ERBB3: variants seen among roughly 807,000 people sequenced by gnomAD.
The protein encoded by ERBB3 is receptor tyrosine-protein kinase erbB-3.
In ERBB3, 96 loss-of-function variants were observed where a neutral mutation model predicts 156.7. That is an observed-to-expected ratio of 0.61 (90% CI 0.52 to 0.73). ERBB3 has a LOEUF of 0.73. Ranked by LOEUF, ERBB3 falls within the 30% of genes least tolerant of loss-of-function variation. The pLI is 0.00. For synonymous variants in ERBB3, 567 were observed against 632.0 expected, an observed-to-expected ratio of 0.90 and a Z score of 1.54; for missense variants, 1,406 against 1,709.4, an observed-to-expected ratio of 0.82 and a Z score of 3.13.
rs571095209 is a variant in ERBB3, at chr12:56,102,965, G to A, written c.*910G>A. ...AACATAGCAAGACACTGTCTCTACA[G>A]GGGAAAAAAAAAAAAGAAACTGAGC... On this transcript the variant is annotated 3_prime_UTR_variant, in exon 28 of 28. Transcript: ENST00000267101. 114 of 228,012 alleles carry A rather than the reference G, an allele frequency of 5.0e-4. 1 individual carries two copies. Among genetic ancestry groups the A allele is most frequent in the Non-Finnish European group, 7.8e-5 (9 of 115,098 alleles). 14.1% of individuals were successfully genotyped at this position (228,012 alleles called of 1,614,324 possible). A position where few individuals can be genotyped will look rare whatever the true frequency, so the allele number is the denominator to read the frequency against.
intron 20 of ERBB3, 61 bp downstream of exon 20, chr12:56,097,291 A>G: frequency 6.5e-7 from 1 of 1,547,552 alleles, no homozygotes. Context: ...CAGCCAGGAA[A>G]AAGTGAGAAG....
chr12:56,100,307 C>A, intron 26 of ERBB3, 62 bp downstream of exon 26: 1 of 1,314,286 alleles, frequency 7.6e-7, no homozygotes, highest in Non-Finnish European at 1.1e-6. Flanking sequence ...GTATGGAAGA[C>A]ATTAGAAACC....
At position 56,102,306 on chromosome 12, in the gene ERBB3, C is replaced by T; in HGVS notation, c.*251C>T. On this transcript the variant is annotated 3_prime_UTR_variant, in exon 28 of 28. Coordinates refer to ENST00000267101, the MANE Select transcript of ERBB3 (RefSeq NM_001982.4). ...CCTTATTTTGTGTGCTTTCCCAGTC[C>T]CATTCCTCAGCTTCTTCACAGGCAC... 1.9e-6 allele frequency: 1 copy of T among 515,894 alleles called. No individual in the cohort carries two copies. The highest frequency in any genetic ancestry group is 3.5e-6 in the Non-Finnish European group (1 of 285,712). The allele number at this position is 515,894 out of a possible 1,614,324, so 32.0% of individuals were successfully genotyped here.
At position 56,093,785 on chromosome 12, in the gene ERBB3, AC is replaced by A; in HGVS notation, c.1505del (p.Pro502HisfsTer29). The part of the protein sequence containing the change: ...RDCVAEGKVC[D>X]PLCSSGGCWG... ...CCAGTGGCAGAGGGCAAAGTGTGTG[AC>A]CCACTGTGCTCCTCTGGGGGATGCT... is the stretch of plus-strand genomic sequence containing the variant. On this transcript the variant is annotated frameshift_variant, in exon 13 of 28. Transcript: ENST00000267101. LOFTEE classifies it high-confidence loss of function. 3 of 1,613,996 alleles carry A rather than the reference AC, an allele frequency of 1.9e-6. No individual in the cohort carries two copies. In the South Asian group the frequency reaches 3.3e-5, roughly 18 times the overall value.
At position 56,094,910 on chromosome 12, in the gene ERBB3, C is replaced by A. The variant is rs192237788; in HGVS notation, c.1860-347C>A. 2.1e-4 allele frequency among the ~76,000 whole-genome samples: 31 copies of A among 147,668 alleles called. 1 individual carries two copies. Among genetic ancestry groups the A allele is most frequent in the Admixed American group, 1.9e-3 (28 of 14,656 alleles). On this transcript the variant is annotated intron_variant, in intron 15 of 27. Coordinates refer to ENST00000267101, the MANE Select transcript of ERBB3 (RefSeq NM_001982.4). The stretch of plus-strand genomic sequence containing the variant: ...AGGTTGCGGTGAGCTGAGATTGCAT[C>A]ATTGTACTCCAGCCTGGGCAACAAG...
intron 1 of ERBB3, chr12:56,083,525 T>C: frequency 1.7e-6 from 1 of 578,102 alleles, no homozygotes; most frequent in East Asian, 3.0e-5. Context: ...AAGGAAATCT[T>C]TTCACCTTCC....
At chr12:56,091,300 A>AT (rs1318572728) in intron 9 of ERBB3, among the ~76,000 whole-genome samples, 118 of 1,664 alleles carry the variant, frequency 0.071, no homozygotes, top group Non-Finnish European at 0.11. Context: ...ATATATAAAT[A>AT]ATATATATAA....
intron 24 of ERBB3, 45 bp downstream of exon 24, chr12:56,099,790 G>T (rs529665455): frequency 6.2e-7 from 1 of 1,612,426 alleles, no homozygotes; most frequent in East Asian, 2.2e-5. Context: ...GAAAAAGGAG[G>T]AGTTGGCTGG....
chr12:56,088,503 C>G, intron 7 of ERBB3, 40 bp from the exon 8 acceptor site: 49 of 1,416,718 alleles, frequency 3.5e-5, no homozygotes, highest in Non-Finnish European at 4.7e-5. Flanking sequence ...TGGTGATGTT[C>G]CTCCCTCATC....
rs968948905 is a variant in ERBB3, at chr12:56,093,534, G to T, written c.1464G>T (p.Arg488=). The T allele has an allele frequency of 1.9e-6, 3 of 1,612,162 alleles. No individual in the cohort carries two copies. The highest frequency in any genetic ancestry group is 1.7e-5 in the Admixed American group (1 of 59,974). The change falls in exon 12 of 28, where the codon CGG becomes CGT. Residue 488 remains arginine (R), a synonymous_variant. Transcript: ENST00000267101. ...AGCGACTAGACATCAAGCATAATCG[G>T]CCGCGCAGAGACTGCGGTGAGGGAA... ...TEERLDIKHN[R]PRRDCVAEGK... is the part of the protein sequence containing the mutation.
At chr12:56,097,270 T>C (rs1315150309) in intron 20 of ERBB3, 40 bp downstream of exon 20, 2 of 1,590,034 alleles carry the variant, frequency 1.3e-6, no homozygotes, top group East Asian at 2.2e-5. Context: ...AAGAACTGCT[T>C]GTCTGGGGGC....
chr12:56,096,656 G>A (rs1407239914), intron 18 of ERBB3, 34 bp downstream of exon 18: 2 of 1,614,202 alleles, frequency 1.2e-6, no homozygotes, highest in South Asian at 1.1e-5. Flanking sequence ...GAGAGGTGGG[G>A]AAGGCATCTA....
chr12:56,080,573 C>T (rs940407584), intron 1 of ERBB3, among the ~76,000 whole-genome samples, 191 bp downstream of exon 1: 40 of 152,230 alleles, frequency 2.6e-4, no homozygotes, highest in Non-Finnish European at 4.4e-5. Context: ...GGCGGCATTC[C>T]GGGACCCTCA....
rs764836319 is a variant in ERBB3 at position 56,083,904 on chromosome 12, T to C, written c.234+2T>C. The C allele has an allele frequency of 6.2e-6, 10 of 1,613,812 alleles. No individual in the cohort carries two copies. In the Admixed American group the frequency reaches 1.7e-4, roughly 27 times the overall value. ...AATGCCGACCTCTCCTTCCTGCAGGTTAGTGAGCCCACCCTCCTTCCTCAA... is the reference window on the plus strand; with the variant it reads ...AATGCCGACCTCTCCTTCCTGCAGGCTAGTGAGCCCACCCTCCTTCCTCAA... On this transcript the variant is annotated splice_donor_variant, in intron 2 of 27. Coordinates refer to ENST00000267101, the MANE Select transcript of ERBB3 (RefSeq NM_001982.4). LOFTEE classifies it high-confidence loss of function.
Position 56,101,801 on chromosome 12 carries a change from G to A in ERBB3, c.3775G>A (p.Asp1259Asn). ...MPTAGTTPDE[D>N]YEYMNRQRDG... The stretch of plus-strand genomic sequence containing the variant: ...CACTGCAGGCACAACTCCAGATGAA[G>A]ACTATGAATATATGAATCGGCAACG... Residue 1259 changes from aspartate to asparagine, a missense_variant, in exon 28 of 28, where the codon GAC becomes AAC. Asp to Asn is a conservative substitution (Grantham distance 23). This residue lies in a region of ERBB3 where 415 missense variants were observed against 454.1 expected (regional missense o/e 0.91). Transcript: ENST00000267101. The A allele has an allele frequency of 1.9e-6, 3 of 1,613,270 alleles. No homozygotes were observed. Among genetic ancestry groups the A allele is most frequent in the Non-Finnish European group, 2.5e-6 (3 of 1,179,852 alleles).
At chr12:56,088,452 TG>T in intron 7 of ERBB3, 90 bp from the exon 8 acceptor site, 1 of 1,036,266 alleles carries the variant, frequency 9.7e-7, no homozygotes, top group Non-Finnish European at 1.5e-6. Flanking sequence ...AGTGCAGAGC[TG>T]GAGGGAGCCT....
rs759649945 is a variant in ERBB3 at position 56,088,009 on chromosome 12, CT to C, written c.733-6del. ...ACGTAACATAAATCTGATGAGCCTC[CT>C]TTTTTCCCAGGCCTGCCGGCACTTC... On this transcript the variant is annotated splice_polypyrimidine_tract_variant and intron_variant, in intron 6 of 27. Transcript: ENST00000267101. 1.9e-6 allele frequency: 3 copies of C among 1,614,004 alleles called. No individual in the cohort carries two copies. The highest frequency in any genetic ancestry group is 1.3e-5 in the African/African-American group (1 of 74,912).
At chr12:56,080,408 G>GCT in intron 1 of ERBB3, 26 bp downstream of exon 1, 1 of 1,554,380 alleles carries the variant, frequency 6.4e-7, no homozygotes, top group Non-Finnish European at 8.8e-7. Context: ...GCACCGGCGG[G>GCT]CTCGGCACCT....
chr12:56,090,154 C>T (rs1028934223), intron 9 of ERBB3, among the ~76,000 whole-genome samples: 2 of 151,970 alleles, frequency 1.3e-5, no homozygotes, highest in Non-Finnish European at 2.9e-5. Context: ...TGTGTGCCAT[C>T]ATGCCCGGCT....
Sources: gnomAD v4.1 joint callset for allele counts (sites outside exome capture counted in the v4.1 genomes callset) on GRCh38, gnomAD v4.1.1 for gene constraint, gnomAD v4.1.1 regional missense constraint, MANE v1.5 for transcripts, NCBI Gene and HGNC (gene_info 2026-07-23, HGNC 2026-07-21) for gene names.